SPON1: variants seen among roughly 807,000 people sequenced by gnomAD.
SPON1 encodes spondin 1.
In SPON1, 52 loss-of-function variants were observed where a neutral mutation model predicts 111.7. That is an observed-to-expected ratio of 0.47 (90% CI 0.37 to 0.59). SPON1 has a LOEUF of 0.59. Ranked by LOEUF, SPON1 falls within the 20% of genes least tolerant of loss-of-function variation. SPON1 has a pLI of 0.00. For synonymous variants in SPON1, 410 were observed against 395.8 expected (o/e 1.04, Z -0.43); for missense variants, 957 against 1,068.5 (o/e 0.90, Z 1.46).
chr11:14,079,757 G>T, intron 4 of SPON1, 142 bp from the exon 5 acceptor site: 1 of 792,444 alleles, frequency 1.3e-6, no homozygotes, highest in Non-Finnish European at 2.0e-6. Context: ...CCCAAGTACT[G>T]ATCTGGCTCT....
At chr11:13,963,651 C>T (rs1377817712) in intron 1 of SPON1, among the ~76,000 whole-genome samples, 1 of 151,956 alleles carries the variant, frequency 6.6e-6, no homozygotes, top group East Asian at 2.0e-4. Context: ...CTGGATAGGT[C>T]CCTTCAGGAG....
intron 6 of SPON1, among the ~76,000 whole-genome samples, chr11:14,144,633 C>CTAATAATAATAA (rs782316295): frequency 0.052 from 6,474 of 123,922 alleles, 225 homozygotes; most frequent in East Asian, 0.1. Flanking sequence ...GACTCCATCT[C>CTAATAATAATAA]CAATAATAAT....
At chr11:14,029,906 C>T (rs184906024) in intron 2 of SPON1, among the ~76,000 whole-genome samples, 105 of 152,306 alleles carry the variant, frequency 6.9e-4, no homozygotes, top group African/African-American at 2.5e-3. Context: ...CCCCATTTTA[C>T]AGATAAGGAG....
At chr11:14,011,850 G>A (rs1199289099) in intron 2 of SPON1, among the ~76,000 whole-genome samples, 2 of 152,142 alleles carry the variant, frequency 1.3e-5, no homozygotes, top group Admixed American at 6.5e-5. Flanking sequence ...AATATGACAT[G>A]GGCTTTGGAA....
chr11:14,048,940 G>A (rs1015641866), intron 3 of SPON1, among the ~76,000 whole-genome samples: 7 of 152,176 alleles, frequency 4.6e-5, no homozygotes, highest in African/African-American at 1.7e-4. Flanking sequence ...TAAACCATTA[G>A]GAAATTCATT....
chr11:14,081,609 T>G (rs559947376), intron 5 of SPON1, among the ~76,000 whole-genome samples: 1 of 152,248 alleles, frequency 6.6e-6, no homozygotes, highest in South Asian at 2.1e-4. Context: ...TGTCCATGTG[T>G]GGCACTGAGC....
chr11:14,044,351 C>G (rs553404766), intron 3 of SPON1, among the ~76,000 whole-genome samples: 1 of 152,242 alleles, frequency 6.6e-6, no homozygotes, highest in East Asian at 1.9e-4. Flanking sequence ...GTGGCTCATG[C>G]CTATAATCCC....
In SPON1 at chr11:14,172,545, C is replaced by T. The variant is rs1286685121; in HGVS notation, c.825+36977C>T. Reference sequence around the variant, plus strand: ...TTTGATCCTGTCATTATGATGTTAGCTGGTTATTTTGCTCATTTGTTGATG... The same window carrying T: ...TTTGATCCTGTCATTATGATGTTAGTTGGTTATTTTGCTCATTTGTTGATG... On this transcript the variant is annotated intron_variant, in intron 6 of 15. Coordinates refer to ENST00000576479, the MANE Select transcript of SPON1 (RefSeq NM_006108.4). Among the ~76,000 whole-genome samples the T allele has an allele frequency of 1.4e-4, 22 of 151,986 alleles. 1 individual carries two copies. The highest frequency in any genetic ancestry group is 7.2e-4 in the Admixed American group (11 of 15,190).
intron 6 of SPON1, among the ~76,000 whole-genome samples, chr11:14,233,023 T>TAG (rs1554938900): frequency 6.6e-6 from 1 of 151,896 alleles, no homozygotes; most frequent in Non-Finnish European, 1.5e-5. Flanking sequence ...TTAGTCTGCT[T>TAG]TGCTCTCCCC....
chr11:14,150,350 A>T (rs1847772268), intron 6 of SPON1, among the ~76,000 whole-genome samples: 1 of 152,018 alleles, frequency 6.6e-6, no homozygotes. Flanking sequence ...TAGTTAACGG[A>T]TGCAAGATTG....
intron 2 of SPON1, among the ~76,000 whole-genome samples, chr11:13,996,717 A>G (rs1848275311): frequency 6.6e-6 from 1 of 152,126 alleles, no homozygotes; most frequent in Non-Finnish European, 1.5e-5. Context: ...GTGTGTATAT[A>G]TATATATACA....
At chr11:14,160,953 T>TTATA (rs1340480931) in intron 6 of SPON1, among the ~76,000 whole-genome samples, 1 of 23,014 alleles carries the variant, frequency 4.3e-5, no homozygotes, top group Admixed American at 9.6e-4. Flanking sequence ...ATTTATATAT[T>TTATA]TATATATATT....
intron 6 of SPON1, among the ~76,000 whole-genome samples, chr11:14,227,465 T>C (rs1459408011): frequency 1.3e-5 from 2 of 152,230 alleles, no homozygotes; most frequent in Non-Finnish European, 2.9e-5. Context: ...TTTAAGCAAA[T>C]TTAACTCTGA....
At chr11:14,257,300 C>T (rs948454799) in intron 10 of SPON1, among the ~76,000 whole-genome samples, 3 of 152,186 alleles carry the variant, frequency 2.0e-5, no homozygotes, top group Non-Finnish European at 2.9e-5. Flanking sequence ...GATGAGTACT[C>T]AATGAATAGC....
chr11:14,216,392 C>T (rs891727996), intron 6 of SPON1, among the ~76,000 whole-genome samples: 3 of 152,166 alleles, frequency 2.0e-5, no homozygotes, highest in African/African-American at 7.2e-5. Flanking sequence ...ATGCCTCCCC[C>T]CATGAGGAGT....
intron 2 of SPON1, among the ~76,000 whole-genome samples, chr11:14,034,025 T>G (rs1271023820): frequency 1.5e-5 from 2 of 129,964 alleles, no homozygotes; most frequent in Non-Finnish European, 3.7e-5. Flanking sequence ...CCTTTAAAAA[T>G]ATTAAGCTGG....
intron 6 of SPON1, among the ~76,000 whole-genome samples, chr11:14,224,426 T>C (rs138608767): frequency 6.6e-6 from 1 of 152,044 alleles, no homozygotes; most frequent in Non-Finnish European, 1.5e-5. Flanking sequence ...TGGTAGTTTA[T>C]GCAAAGAAGC....
chr11:14,261,140 A>G (rs1473753462), intron 14 of SPON1, among the ~76,000 whole-genome samples: 3 of 152,234 alleles, frequency 2.0e-5, no homozygotes, highest in African/African-American at 7.2e-5. Context: ...CCCCATGACC[A>G]GAGGCTGGAC....
At chr11:14,112,677 T>C (rs1164016648) in intron 5 of SPON1, among the ~76,000 whole-genome samples, 1 of 152,210 alleles carries the variant, frequency 6.6e-6, no homozygotes, top group East Asian at 1.9e-4. Flanking sequence ...TAACTGGGTC[T>C]TAATTTTCAT....
Sources: gnomAD v4.1 joint callset for allele counts (sites outside exome capture counted in the v4.1 genomes callset) on GRCh38, gnomAD v4.1.1 for gene constraint, MANE v1.5 for transcripts, NCBI Gene and HGNC (gene_info 2026-07-23, HGNC 2026-07-21) for gene names.